The following DYRK1A variants were observed in gnomAD, a reference collection of about 807,000 sequenced individuals.
DYRK1A encodes the protein dual specificity tyrosine-phosphorylation-regulated kinase 1A.
Under a neutral mutation model 79.7 loss-of-function variants are expected in DYRK1A, and 9 were observed. That is an observed-to-expected ratio of 0.11 (90% CI 0.07 to 0.20). The LOEUF is 0.20. Ranked by LOEUF, DYRK1A falls within the 10% of genes least tolerant of loss-of-function variation. The pLI is 1.00. For missense variants in DYRK1A, 622 were observed against 956.0 expected (o/e 0.65, Z 4.61); for synonymous variants, 349 against 329.7 (o/e 1.06, Z -0.63).
At chr21:37,495,149 A>ATTTTTT (rs1260921990) in intron 8 of DYRK1A, among the ~76,000 whole-genome samples, 14 of 122,004 alleles carry the variant, frequency 1.1e-4, no homozygotes, top group African/African-American at 4.1e-4. Flanking sequence ...AGCCTCTGGG[A>ATTTTTT]TTTTGTGTGT....
chr21:37,412,528 C>A (rs1281041255), intron 1 of DYRK1A, among the ~76,000 whole-genome samples: 1 of 152,090 alleles, frequency 6.6e-6, no homozygotes, highest in African/African-American at 2.4e-5. Flanking sequence ...GTTTAGGGAA[C>A]CTGCCCTAGA....
chr21:37,382,671 T>A (rs1160537629), intron 1 of DYRK1A, among the ~76,000 whole-genome samples: 1 of 152,152 alleles, frequency 6.6e-6, no homozygotes, highest in Non-Finnish European at 1.5e-5. Flanking sequence ...TACTATTTAG[T>A]AACAGTAACA....
At position 37,515,980 on chromosome 21, in the gene DYRK1A, A is replaced by G. The variant is rs558605252; in HGVS notation, c.*3449A>G. The stretch of plus-strand genomic sequence containing the variant: ...TGTTGAACTTTTCTGTTCTTCCAAT[A>G]GGGAGATACATAATCAAAATACACA... On this transcript the variant is annotated 3_prime_UTR_variant, in exon 12 of 12. Transcript: ENST00000647188. 6.6e-6 allele frequency: 1 copy of G among 152,338 alleles called. No individual in the cohort carries two copies. The highest frequency in any genetic ancestry group is 1.9e-4 in the East Asian group (1 of 5,182). The allele number at this position is 152,338 out of a possible 1,614,324, so 9.4% of individuals were successfully genotyped here. A position where few individuals can be genotyped will look rare whatever the true frequency, so the allele number is the denominator to read the frequency against.
chr21:37,431,584 G>A (rs2050776931), intron 2 of DYRK1A, among the ~76,000 whole-genome samples: 1 of 152,152 alleles, frequency 6.6e-6, no homozygotes. Context: ...CAGGCACAGG[G>A]CCTTTCCTTG....
Position 37,375,519 on chromosome 21 carries a change from CTTTTTTTTTTT to C in DYRK1A, c.-77+7904_-77+7914del, listed in dbSNP as rs58948987. On this transcript the variant is annotated intron_variant, in intron 1 of 11. Transcript: ENST00000647188. Reference sequence around the variant, plus strand: ...TTAGAATATTCCTAGAGGAATATTACTTTTTTTTTTTTTTTTTTTTTTTGAGATGGAGTTTC... The same window carrying C: ...TTAGAATATTCCTAGAGGAATATTACTTTTTTTTTTTTGAGATGGAGTTTC... Among the ~76,000 whole-genome samples the C allele has an allele frequency of 6.1e-5, 5 of 81,448 alleles. No individual in the cohort carries two copies. The South Asian group carries it at 1.4e-3, about 23-fold the overall frequency. 53.4% of individuals were successfully genotyped at this position (81,448 alleles called of 152,430 possible).
chr21:37,445,710 C>T (rs1237253715), intron 2 of DYRK1A, among the ~76,000 whole-genome samples: 2 of 152,124 alleles, frequency 1.3e-5, no homozygotes, highest in African/African-American at 2.4e-5. Flanking sequence ...GACATTTTTT[C>T]CCCATTGGAG....
chr21:37,427,852 C>G (rs1015706026), intron 2 of DYRK1A, among the ~76,000 whole-genome samples: 1 of 151,968 alleles, frequency 6.6e-6, no homozygotes, highest in African/African-American at 2.4e-5. Flanking sequence ...AATATTAGAC[C>G]GAGTATGTTT....
At chr21:37,511,414 A>G (rs2053745653) in intron 11 of DYRK1A, among the ~76,000 whole-genome samples, 1 of 152,108 alleles carries the variant, frequency 6.6e-6, no homozygotes, top group Non-Finnish European at 1.5e-5. Context: ...GGGGATGAAG[A>G]GAAGAGGCCA....
At chr21:37,479,399 T>G (rs1182509766) in intron 4 of DYRK1A, among the ~76,000 whole-genome samples, 1 of 151,182 alleles carries the variant, frequency 6.6e-6, no homozygotes, top group East Asian at 1.9e-4. Flanking sequence ...ACAGTTAAAC[T>G]GTTGTTAACA....
intron 2 of DYRK1A, among the ~76,000 whole-genome samples, chr21:37,467,601 G>T (rs926905450): frequency 2.0e-5 from 3 of 152,120 alleles, no homozygotes; most frequent in African/African-American, 7.2e-5. Context: ...AATCAGAAAG[G>T]TCATCTCATT....
chr21:37,431,920 G>A (rs1450064470), intron 2 of DYRK1A, among the ~76,000 whole-genome samples: 1 of 151,486 alleles, frequency 6.6e-6, no homozygotes, highest in African/African-American at 2.4e-5. Flanking sequence ...TATGTAGTTT[G>A]TATAGATGAA....
At chr21:37,368,698 C>T (rs570018822) in intron 1 of DYRK1A, among the ~76,000 whole-genome samples, 2 of 152,218 alleles carry the variant, frequency 1.3e-5, no homozygotes, top group Admixed American at 1.3e-4. Context: ...GAGAGTGAGT[C>T]TGGAGAGGGG....
At chr21:37,449,666 A>G (rs899902206) in intron 2 of DYRK1A, among the ~76,000 whole-genome samples, 17 of 152,200 alleles carry the variant, frequency 1.1e-4, no homozygotes, top group East Asian at 3.8e-4. Flanking sequence ...CAAGGTAAAC[A>G]ACATCAGCAA....
At chr21:37,429,661 C>T (rs1224134373) in intron 2 of DYRK1A, among the ~76,000 whole-genome samples, 1 of 152,230 alleles carries the variant, frequency 6.6e-6, no homozygotes, top group Admixed American at 6.5e-5. Flanking sequence ...TTGAGAATTA[C>T]AGCTTGACGT....
rs973205470 is a variant in DYRK1A at position 37,525,417 on chromosome 21, T to G, written c.*12886T>G. 1.3e-5 allele frequency: 2 copies of G among 152,166 alleles called. No individual in the cohort carries two copies. Among genetic ancestry groups the G allele is most frequent in the Non-Finnish European group, 2.9e-5 (2 of 68,052 alleles). 9.4% of individuals were successfully genotyped at this position (152,166 alleles called of 1,614,324 possible). A position where few individuals can be genotyped will look rare whatever the true frequency, so the allele number is the denominator to read the frequency against. ...ATCAGATCTCATGAGACTTACTCAC[T>G]ATTATGAGAACAGCATGGTAAAATC... On this transcript the variant is annotated 3_prime_UTR_variant, in exon 12 of 12. Coordinates refer to ENST00000647188, the MANE Select transcript of DYRK1A (RefSeq NM_001347721.2).
intron 8 of DYRK1A, 102 bp from the exon 9 acceptor site, chr21:37,496,016 C>T: frequency 8.7e-7 from 1 of 1,148,046 alleles, no homozygotes; most frequent in Non-Finnish European, 1.2e-6. Context: ...GAGTGCCAGA[C>T]ACACAGGAGG....
intron 1 of DYRK1A, among the ~76,000 whole-genome samples, chr21:37,384,930 A>G (rs1412021772): frequency 1.3e-5 from 2 of 152,118 alleles, no homozygotes. Context: ...GAGAAAACTC[A>G]GTCAATAGAA....
chr21:37,450,064 T>C (rs750205748), intron 2 of DYRK1A, among the ~76,000 whole-genome samples: 44 of 152,176 alleles, frequency 2.9e-4, no homozygotes, highest in Non-Finnish European at 8.8e-5. Flanking sequence ...TGCATTGCTA[T>C]GTGAGCCTCA....
At chr21:37,391,104 AC>A (rs770330623) in intron 1 of DYRK1A, among the ~76,000 whole-genome samples, 8 of 152,166 alleles carry the variant, frequency 5.3e-5, no homozygotes, top group Non-Finnish European at 1.2e-4. Flanking sequence ...TGCATTTGTT[AC>A]CAAATTTCAG....
Sources: gnomAD v4.1 joint callset for allele counts (sites outside exome capture counted in the v4.1 genomes callset) on GRCh38, gnomAD v4.1.1 for gene constraint, MANE v1.5 for transcripts, NCBI Gene and HGNC (gene_info 2026-07-23, HGNC 2026-07-21) for gene names.